The following DEAF1 variants were observed in gnomAD, a reference collection of about 807,000 sequenced individuals.
DEAF1 encodes the protein deformed epidermal autoregulatory factor 1 homolog.
DEAF1 carries 53 observed loss-of-function variants against 58.9 expected under a neutral mutation model. That is an observed-to-expected ratio of 0.90 (90% CI 0.72 to 1.13). The LOEUF (loss-of-function observed/expected upper bound fraction) is 1.13, where lower values mean the gene tolerates loss of function less well. Among genes scored for constraint, DEAF1 ranks in the 50% most tolerant of loss-of-function variants. The probability of loss-of-function intolerance (pLI) is 0.00; values close to 1 mark genes in which losing one functional copy is unlikely to be tolerated. For synonymous variants in DEAF1, 385 were observed against 340.4 expected (o/e 1.13, Z -1.44); for missense variants, 685 against 791.4 (o/e 0.87, Z 1.61).
chr11:683,185 C>G lies in DEAF1; in HGVS notation c.870+1713G>C, dbSNP rs548992660. 2.6e-4 allele frequency among the ~76,000 whole-genome samples: 40 copies of G among 152,288 alleles called. 1 individual carries two copies. The South Asian group carries it at 7.9e-3, about 30-fold the overall frequency. Reference sequence around the variant, plus strand: ...TGGTCCACTGAGCTCATCACACCACCACTCCCCAAGCGGAAGCCAAAAGTT... The same window carrying G: ...TGGTCCACTGAGCTCATCACACCACGACTCCCCAAGCGGAAGCCAAAAGTT... On this transcript the variant is annotated intron_variant, in intron 6 of 11. Transcript: ENST00000382409.
intron 4 of DEAF1, among the ~76,000 whole-genome samples, chr11:687,226 C>CA (rs1302710547): frequency 2.6e-5 from 4 of 152,244 alleles, no homozygotes; most frequent in Admixed American, 2.6e-4. Context: ...ACAGGCAGTG[C>CA]AAGCTCAACC....
chr11:658,386 G>A (rs752540258), intron 10 of DEAF1, among the ~76,000 whole-genome samples: 7 of 152,192 alleles, frequency 4.6e-5, no homozygotes, highest in Non-Finnish European at 8.8e-5. Context: ...CCGAGAACGC[G>A]CCACTGCACT....
At chr11:695,805 G>T, upstream of DEAF1, 2 of 1,234,476 alleles carry the variant, frequency 1.6e-6, no homozygotes, top group African/African-American at 3.1e-5. Flanking sequence ...GATCGCGACG[G>T]ACCGGCGGGC....
chr11:706,192 C>A, intron 1 of DEAF1: 1 of 152,168 alleles, frequency 6.6e-6, no homozygotes, highest in South Asian at 2.0e-4. Flanking sequence ...GCGTCCCACC[C>A]GCCCGCGGGA....
intron 9 of DEAF1, among the ~76,000 whole-genome samples, chr11:675,434 CG>C (rs971375709): frequency 2.6e-5 from 4 of 152,116 alleles, no homozygotes. Context: ...GAAGCTGAGG[CG>C]GGAGGATGGT....
rs1859979376 is a variant in DEAF1, at chr11:674,718, A to G, written c.1321T>C (p.Leu441=). ...TCTGACAGCTCCAGCCCATTGACCA[A>G]CGCGGGAGGTGCCGCTTTGGTGGGA... ...PTPTKAAPPA[L]VNGLELSEPR... is the part of the protein sequence containing the mutation. The change falls in exon 10 of 12, where the codon TTG becomes CTG. Residue 441 remains leucine (L), a synonymous_variant. Coordinates refer to ENST00000382409, the MANE Select transcript of DEAF1 (RefSeq NM_021008.4). 1.2e-6 allele frequency: 2 copies of G among 1,613,582 alleles called. No homozygotes were observed. The highest frequency in any genetic ancestry group is 2.7e-5 in the African/African-American group (2 of 74,856).
At chr11:703,162 C>A in intron 1 of DEAF1, 3 of 1,594,274 alleles carry the variant, frequency 1.9e-6, no homozygotes, top group Non-Finnish European at 2.6e-6. Flanking sequence ...TACGGACACC[C>A]GGGATACCCC....
At chr11:678,999 A>G (rs1456626807) in intron 8 of DEAF1, among the ~76,000 whole-genome samples, 177 bp from the exon 9 acceptor site, 4 of 152,194 alleles carry the variant, frequency 2.6e-5, no homozygotes, top group African/African-American at 9.7e-5. Flanking sequence ...TTGGGGCTAT[A>G]TCAGGTGAAA....
At chr11:696,890 A>G (rs906505008), upstream of DEAF1, among the ~76,000 whole-genome samples, 11 of 151,816 alleles carry the variant, frequency 7.2e-5, no homozygotes, top group Admixed American at 6.6e-4. Context: ...GACCAGCCTG[A>G]CCAACATGGA....
intron 2 of DEAF1, chr11:689,640 G>A (rs920676852): frequency 6.6e-6 from 1 of 152,248 alleles, no homozygotes; most frequent in African/African-American, 2.4e-5. Context: ...TCCTACTGCT[G>A]TGCCTGAGTC....
At chr11:695,286 C>T (rs367658569), upstream of DEAF1, 9 of 464,504 alleles carry the variant, frequency 1.9e-5, no homozygotes, top group South Asian at 1.4e-4. Context: ...TGCACGAAGC[C>T]GCCGAGCCGA....
At chr11:691,954 G>T (rs906638972) in intron 1 of DEAF1, among the ~76,000 whole-genome samples, 1 of 152,108 alleles carries the variant, frequency 6.6e-6, no homozygotes, top group Non-Finnish European at 1.5e-5. Flanking sequence ...GGTCAGGTGT[G>T]CCCTATGCCT....
intron 10 of DEAF1, among the ~76,000 whole-genome samples, chr11:663,341 G>C (rs960808965): frequency 6.6e-6 from 1 of 152,178 alleles, no homozygotes; most frequent in Non-Finnish European, 1.5e-5. Context: ...CCAGCCACTC[G>C]GGAGACTGAA....
intron 6 of DEAF1, among the ~76,000 whole-genome samples, chr11:683,139 C>T (rs1282769708): frequency 6.6e-6 from 1 of 152,108 alleles, no homozygotes; most frequent in Non-Finnish European, 1.5e-5. Flanking sequence ...ACAATTTTCA[C>T]TAGTTATTTC....
intron 10 of DEAF1, among the ~76,000 whole-genome samples, chr11:663,631 G>A (rs1042200753): frequency 6.6e-6 from 1 of 150,708 alleles, no homozygotes; most frequent in Admixed American, 6.6e-5. Flanking sequence ...CTCAGCGACT[G>A]CCTCTGGACT....
In DEAF1 at chr11:644,801, A is replaced by C. The variant is rs535098676; in HGVS notation, c.1594-147T>G. On this transcript the variant is annotated intron_variant, in intron 11 of 11. Transcript: ENST00000382409. The surrounding 1 kb of genome is among the most constrained non-coding windows in gnomAD (Gnocchi z 4.3). ...TGCCCTCCCCAGCCCCCGTGCGCCC[A>C]AACTCTGGTGGGCTCTGCTCCAATA... The C allele has an allele frequency of 5.7e-6, 4 of 700,878 alleles. No individual in the cohort carries two copies. The East Asian group carries it at 1.1e-4, about 19-fold the overall frequency. 43.4% of individuals were successfully genotyped at this position (700,878 alleles called of 1,614,324 possible).
intron 11 of DEAF1, among the ~76,000 whole-genome samples, chr11:652,609 G>A (rs1346098021): frequency 6.6e-6 from 1 of 152,026 alleles, no homozygotes; most frequent in Non-Finnish European, 1.5e-5. Context: ...CTGCACTCCA[G>A]CCTGGGCTAC....
At chr11:686,234 G>C (rs1370151190) in intron 5 of DEAF1, among the ~76,000 whole-genome samples, 3 of 148,420 alleles carry the variant, frequency 2.0e-5, no homozygotes, top group Non-Finnish European at 4.5e-5. Context: ...GGAGGTTGCT[G>C]TGAGCCAAGA....
In DEAF1 at chr11:644,689, A is replaced by G; in HGVS notation, c.1594-35T>C. 1 of 1,536,192 alleles carries G rather than the reference A, an allele frequency of 6.5e-7. No homozygotes were observed. Among genetic ancestry groups the G allele is most frequent in the South Asian group, 1.2e-5 (1 of 86,088 alleles). On this transcript the variant is annotated intron_variant, in intron 11 of 11. Coordinates refer to ENST00000382409, the MANE Select transcript of DEAF1 (RefSeq NM_021008.4). This position sits in a 1 kb window ranked among gnomAD's most constrained non-coding sequence, Gnocchi z 4.3. ...AGGACACACCCATGTCAGCAGGGTC[A>G]GTGGGTGGAGCAGGGTCTGGGCAGG...
Sources: gnomAD v4.1 joint callset for allele counts (sites outside exome capture counted in the v4.1 genomes callset) on GRCh38, gnomAD v4.1.1 for gene constraint, Gnocchi (gnomAD v3.1) non-coding constraint, MANE v1.5 for transcripts, NCBI Gene and HGNC (gene_info 2026-07-23, HGNC 2026-07-21) for gene names.